The following ZNF583 variants were observed in gnomAD, a reference collection of about 807,000 sequenced individuals.
ZNF583 encodes zinc finger protein 583.
In ZNF583, 30 loss-of-function variants were observed where a neutral mutation model predicts 55.3. The ratio of observed to expected loss-of-function variants is 0.54; its 90% CI spans 0.41 to 0.74. The LOEUF (loss-of-function observed/expected upper bound fraction) is 0.74, where lower values mean the gene tolerates loss of function less well. ZNF583 is among the 30% of genes least tolerant of loss of function. ZNF583 has a pLI of 0.00. For synonymous variants in ZNF583, 208 were observed against 220.0 expected (o/e 0.95, Z 0.48); for missense variants, 504 against 664.7 (o/e 0.76, Z 2.66).
intron 4 of ZNF583, among the ~76,000 whole-genome samples, chr19:56,415,602 T>C (rs551478920): frequency 6.6e-6 from 1 of 152,292 alleles, no homozygotes; most frequent in East Asian, 1.9e-4. Context: ...TTAGATGAGG[T>C]CTTGACCTGT....
At chr19:56,408,226 C>T (rs1008425297) in intron 2 of ZNF583, among the ~76,000 whole-genome samples, 4 of 151,840 alleles carry the variant, frequency 2.6e-5, no homozygotes, top group Non-Finnish European at 5.9e-5. Context: ...TATATATATA[C>T]ACACACACAC....
intron 4 of ZNF583, chr19:56,414,844 T>C (rs939608181): frequency 8.3e-6 from 1 of 121,006 alleles, no homozygotes; most frequent in Non-Finnish European, 1.6e-5. Flanking sequence ...CTGGGCAACA[T>C]GGCAAAACTA....
chr19:56,412,448 A>G (rs2042253761), intron 2 of ZNF583, among the ~76,000 whole-genome samples: 1 of 152,024 alleles, frequency 6.6e-6, no homozygotes, highest in Non-Finnish European at 1.5e-5. Flanking sequence ...GTACTGTAAC[A>G]TTTTTAAAAC....
At position 56,423,114 on chromosome 19, in the gene ZNF583, A is replaced by C. The variant is rs770486831; in HGVS notation, c.456A>C (p.Glu152Asp). ...LIITHKEILP[E>D]VQNKEYNKSW... The stretch of plus-strand genomic sequence containing the variant: ...TCACTCATAAAGAAATCCTTCCAGA[A>C]GTTCAAAATAAAGAATATAACAAAT... The change falls in exon 5 of 5, where the codon GAA (glutamate) becomes GAC (aspartate). Residue 152 changes from glutamate (E) to aspartate (D), a missense_variant. Coordinates refer to ENST00000333201, the MANE Select transcript of ZNF583 (RefSeq NM_152478.3). 6.2e-7 allele frequency: 1 copy of C among 1,612,040 alleles called. No homozygotes were observed. Among genetic ancestry groups the C allele is most frequent in the South Asian group, 1.1e-5 (1 of 90,558 alleles).
chr19:56,405,089 G>C (rs1387316869), intron 1 of ZNF583, among the ~76,000 whole-genome samples: 1 of 152,052 alleles, frequency 6.6e-6, no homozygotes, highest in Non-Finnish European at 1.5e-5. Flanking sequence ...ACGGTGTGTG[G>C]CTGTTGATAT....
chr19:56,410,282 G>A (rs2042217491), intron 2 of ZNF583, among the ~76,000 whole-genome samples: 1 of 152,142 alleles, frequency 6.6e-6, no homozygotes, highest in Non-Finnish European at 1.5e-5. Context: ...TCAAAATAGT[G>A]TAATTAAAAA....
At chr19:56,410,814 A>G (rs1409615581) in intron 2 of ZNF583, among the ~76,000 whole-genome samples, 2 of 152,206 alleles carry the variant, frequency 1.3e-5, no homozygotes, top group Non-Finnish European at 2.9e-5. Flanking sequence ...TACTCAGCCA[A>G]TAAAAGTGAC....
chr19:56,420,428 A>C (rs1290126298), intron 4 of ZNF583, among the ~76,000 whole-genome samples: 1 of 152,184 alleles, frequency 6.6e-6, no homozygotes, highest in Non-Finnish European at 1.5e-5. Flanking sequence ...GTATAAATAT[A>C]AATTAGATCA....
chr19:56,425,071 G>A lies in ZNF583; in HGVS notation c.*703G>A, dbSNP rs2042482448. On this transcript the variant is annotated 3_prime_UTR_variant, in exon 5 of 5. Transcript: ENST00000333201. ...GTGAAGTTTTTTTTTTTTTAGGAAT[G>A]GTAGGCATTTTTCTAAAAGTAGGTG... The A allele has an allele frequency of 6.6e-6, 1 of 151,418 alleles. No homozygotes were observed. The highest frequency in any genetic ancestry group is 6.6e-5 in the Admixed American group (1 of 15,208). 9.4% of individuals were successfully genotyped at this position (151,418 alleles called of 1,614,324 possible). A position where few individuals can be genotyped will look rare whatever the true frequency, so the allele number is the denominator to read the frequency against.
At chr19:56,408,549 T>A (rs1343685077) in intron 2 of ZNF583, among the ~76,000 whole-genome samples, 1 of 152,240 alleles carries the variant, frequency 6.6e-6, no homozygotes, top group African/African-American at 2.4e-5. Context: ...ATGGGTGATC[T>A]TGTCCAAGTT....
In ZNF583 at chr19:56,422,751, AT is replaced by A. The variant is rs1282762577; in HGVS notation, c.233-137del. The stretch of plus-strand genomic sequence containing the variant: ...TAATCAACTCTCTTAAATTCTTATT[AT>A]TTATAATGTCATTATTTTAGAATGC... On this transcript the variant is annotated intron_variant, in intron 4 of 4. Coordinates refer to ENST00000333201, the MANE Select transcript of ZNF583 (RefSeq NM_152478.3). 1.3e-5 allele frequency: 7 copies of A among 557,854 alleles called. No homozygotes were observed. In the African/African-American group the frequency reaches 1.4e-4, roughly 11 times the overall value. 34.6% of individuals were successfully genotyped at this position (557,854 alleles called of 1,614,324 possible).
intron 4 of ZNF583, among the ~76,000 whole-genome samples, chr19:56,418,917 C>T (rs941352285): frequency 1.3e-5 from 2 of 152,110 alleles, no homozygotes; most frequent in Non-Finnish European, 2.9e-5. Context: ...AGTTTGAAAA[C>T]GTTACTTTCT....
intron 1 of ZNF583, among the ~76,000 whole-genome samples, chr19:56,405,894 G>C (rs578188810): frequency 9.2e-5 from 14 of 152,336 alleles, no homozygotes; most frequent in South Asian, 4.1e-4. Context: ...TGTATAGGTA[G>C]CATGTGGTGG....
intron 1 of ZNF583, among the ~76,000 whole-genome samples, chr19:56,406,037 G>T (rs1200767229): frequency 6.6e-6 from 1 of 152,186 alleles, no homozygotes; most frequent in Non-Finnish European, 1.5e-5. Context: ...ACCATAGGGG[G>T]TTTGGATGAC....
intron 4 of ZNF583, among the ~76,000 whole-genome samples, chr19:56,415,860 C>G (rs1474426994): frequency 6.6e-6 from 1 of 152,118 alleles, no homozygotes; most frequent in Non-Finnish European, 1.5e-5. Context: ...GCCACTGCCC[C>G]CAGCCTGTCT....
intron 2 of ZNF583, among the ~76,000 whole-genome samples, 167 bp from the exon 3 acceptor site, chr19:56,413,792 C>T (rs1385903527): frequency 1.3e-5 from 2 of 152,214 alleles, no homozygotes; most frequent in Admixed American, 6.5e-5. Flanking sequence ...ACAAAGAAGT[C>T]ATTTAGCAAT....
chr19:56,418,771 G>T (rs1178606823), intron 4 of ZNF583, among the ~76,000 whole-genome samples: 1 of 152,012 alleles, frequency 6.6e-6, no homozygotes, highest in Non-Finnish European at 1.5e-5. Context: ...GCAATGGCTA[G>T]GACCTCCTAT....
At chr19:56,411,668 G>A (rs888233992) in intron 2 of ZNF583, among the ~76,000 whole-genome samples, 3 of 152,322 alleles carry the variant, frequency 2.0e-5, no homozygotes, top group African/African-American at 7.2e-5. Flanking sequence ...TATCCAGCAC[G>A]AGTTTTAATT....
In ZNF583 at chr19:56,424,348, C is replaced by T; in HGVS notation, c.1690C>T (p.Pro564Ser). 6.7e-7 allele frequency: 1 copy of T among 1,490,782 alleles called. No homozygotes were observed. Among genetic ancestry groups the T allele is most frequent in the Non-Finnish European group, 9.3e-7 (1 of 1,070,490 alleles). 92.3% of individuals were successfully genotyped at this position (1,490,782 alleles called of 1,614,324 possible). ...SPSTSNQLPR[P>S]VGFIS is the part of the protein sequence containing the mutation. ...CTCCACATCAAATCAGTTGCCAAGA[C>T]CTGTAGGTTTCATCTCCTGAATATT... Residue 564 changes from proline (P) to serine (S), a missense_variant, in exon 5 of 5, where the codon CCT becomes TCT. By Grantham distance (74) the Pro-to-Ser change is moderately conservative (BLOSUM62 -1). Transcript: ENST00000333201.
Sources: allele counts gnomAD v4.1 joint callset (sites outside exome capture counted in the v4.1 genomes callset), GRCh38; gene constraint gnomAD v4.1.1; transcripts MANE v1.5; gene names NCBI Gene and HGNC (gene_info 2026-07-23, HGNC 2026-07-21).